Variants in SYT16 observed in about 807,000 individuals in gnomAD.
SYT16 encodes the protein synaptotagmin-16.
SYT16 carries 42 observed loss-of-function variants against 61.4 expected under a neutral mutation model. The observed-to-expected ratio is 0.68, with a 90% confidence interval of 0.53 to 0.89. The LOEUF (loss-of-function observed/expected upper bound fraction) is 0.89. Ranked by LOEUF, SYT16 falls within the 40% of genes least tolerant of loss-of-function variation. The pLI, the probability that SYT16 is intolerant of heterozygous loss-of-function variation, is 0.00. For missense variants in SYT16, 804 were observed against 807.3 expected (o/e 1.00, Z 0.05); for synonymous variants, 314 against 302.3 (o/e 1.04, Z -0.40).
intron 1 of SYT16, among the ~76,000 whole-genome samples, chr14:61,889,795 ACT>A (rs2048053794): frequency 2.0e-5 from 3 of 151,704 alleles, no homozygotes; most frequent in African/African-American, 4.9e-5. Flanking sequence ...GAGCTAAATA[ACT>A]CTCTTTTCTT....
At chr14:62,046,770 G>T (rs1346424969) in intron 3 of SYT16, among the ~76,000 whole-genome samples, 1 of 152,086 alleles carries the variant, frequency 6.6e-6, no homozygotes, top group Non-Finnish European at 1.5e-5. Context: ...TTGTAGATAT[G>T]TGGCATTATG....
chr14:62,046,969 A>C (rs929715409), intron 3 of SYT16, among the ~76,000 whole-genome samples: 1 of 152,166 alleles, frequency 6.6e-6, no homozygotes, highest in African/African-American at 2.4e-5. Context: ...ACTTTCAAAT[A>C]GTTTTTTCCA....
Position 62,101,506 on chromosome 14 carries a change from A to G in SYT16, c.*799A>G, listed in dbSNP as rs2057418398. 6.6e-6 allele frequency: 1 copy of G among 152,052 alleles called. No homozygotes were observed. Among genetic ancestry groups the G allele is most frequent in the South Asian group, 2.1e-4 (1 of 4,832 alleles). The allele number at this position is 152,052 out of a possible 1,614,324, so 9.4% of individuals were successfully genotyped here. On this transcript the variant is annotated 3_prime_UTR_variant, in exon 8 of 8. Transcript: ENST00000683842. ...AGAAAACAAAAAACAAGACTACTGC[A>G]GTCATAGATTTATTGATTTTTTCTG...
intron 3 of SYT16, among the ~76,000 whole-genome samples, chr14:62,013,913 G>A (rs534868399): frequency 2.0e-5 from 3 of 151,630 alleles, no homozygotes; most frequent in African/African-American, 7.3e-5. Context: ...GCCGTGAGCC[G>A]AGATTGTGCC....
At chr14:62,070,407 C>T (rs1158622698) in intron 4 of SYT16, among the ~76,000 whole-genome samples, 1 of 152,172 alleles carries the variant, frequency 6.6e-6, no homozygotes, top group Non-Finnish European at 1.5e-5. Context: ...ACACACCCCA[C>T]CTGCATGAAA....
intron 3 of SYT16, among the ~76,000 whole-genome samples, chr14:62,010,716 G>C (rs1241129474): frequency 1.3e-5 from 2 of 152,052 alleles, no homozygotes; most frequent in African/African-American, 2.4e-5. Flanking sequence ...TTCAAAAATT[G>C]TTTGTCTTTT....
chr14:61,903,244 G>A (rs1258454733), intron 1 of SYT16, among the ~76,000 whole-genome samples: 1 of 152,026 alleles, frequency 6.6e-6, no homozygotes, highest in Non-Finnish European at 1.5e-5. Flanking sequence ...AGTTAATGGG[G>A]GATTAAGTCT....
chr14:61,816,451 T>G (rs1429701543), intron 1 of SYT16, among the ~76,000 whole-genome samples: 1 of 152,220 alleles, frequency 6.6e-6, no homozygotes, highest in African/African-American at 2.4e-5. Flanking sequence ...AATCTTGAGT[T>G]AAATGATTTC....
At chr14:62,052,851 C>T (rs1048616980) in intron 3 of SYT16, among the ~76,000 whole-genome samples, 5 of 152,138 alleles carry the variant, frequency 3.3e-5, no homozygotes, top group Non-Finnish European at 7.4e-5. Flanking sequence ...GCTGGCATCC[C>T]GATTTCAGAT....
chr14:61,977,537 A>G (rs1232286684), intron 2 of SYT16, among the ~76,000 whole-genome samples: 1 of 152,092 alleles, frequency 6.6e-6, no homozygotes, highest in Non-Finnish European at 1.5e-5. Flanking sequence ...AGATCTCATG[A>G]TACTCACTCA....
At chr14:62,044,908 G>A (rs189354123) in intron 3 of SYT16, among the ~76,000 whole-genome samples, 6 of 152,298 alleles carry the variant, frequency 3.9e-5, no homozygotes, top group Admixed American at 3.9e-4. Flanking sequence ...GGGAGGCAGA[G>A]GTGGGTGGAT....
intron 1 of SYT16, among the ~76,000 whole-genome samples, chr14:61,820,100 A>G (rs1346417755): frequency 6.6e-6 from 1 of 152,240 alleles, no homozygotes; most frequent in Non-Finnish European, 1.5e-5. Context: ...CTGTGTACAA[A>G]TGTAAGACTA....
intron 7 of SYT16, among the ~76,000 whole-genome samples, chr14:62,094,303 C>T (rs1038268673): frequency 6.6e-5 from 10 of 152,122 alleles, no homozygotes; most frequent in African/African-American, 2.2e-4. Context: ...CTCTTCCAGC[C>T]AGGGCTGAAT....
intron 1 of SYT16, among the ~76,000 whole-genome samples, chr14:61,964,705 C>A (rs139784089): frequency 4.8e-4 from 73 of 152,252 alleles, no homozygotes; most frequent in African/African-American, 1.7e-3. Context: ...CAAACAGCAT[C>A]ATATGCTACA....
At chr14:62,006,106 T>G (rs2053212906) in intron 3 of SYT16, among the ~76,000 whole-genome samples, 1 of 152,154 alleles carries the variant, frequency 6.6e-6, no homozygotes, top group African/African-American at 2.4e-5. Context: ...TTCAAAATAT[T>G]TAAATACCCT....
intron 3 of SYT16, among the ~76,000 whole-genome samples, chr14:62,031,302 C>A (rs917768715): frequency 6.6e-6 from 1 of 152,112 alleles, no homozygotes; most frequent in Non-Finnish European, 1.5e-5. Context: ...TGAGCTAAAC[C>A]GCATTAATTT....
chr14:62,095,478 A>T (rs1259708794), intron 7 of SYT16, among the ~76,000 whole-genome samples: 1 of 151,976 alleles, frequency 6.6e-6, no homozygotes, highest in Non-Finnish European at 1.5e-5. Context: ...TGGAGCTTTA[A>T]AATGTTACTA....
At chr14:61,873,818 TGTG>T (rs1377137419) in intron 1 of SYT16, among the ~76,000 whole-genome samples, 2 of 152,224 alleles carry the variant, frequency 1.3e-5, no homozygotes, top group Non-Finnish European at 2.9e-5. Flanking sequence ...TCCTCTACCC[TGTG>T]GTCTTTTAGG....
intron 1 of SYT16, among the ~76,000 whole-genome samples, chr14:61,871,610 G>C (rs942163639): frequency 6.6e-6 from 1 of 152,036 alleles, no homozygotes; most frequent in Non-Finnish European, 1.5e-5. Context: ...CTGCTTTCCT[G>C]CATCTTTAAA....
Sources: gnomAD v4.1 joint callset for allele counts (sites outside exome capture counted in the v4.1 genomes callset) on GRCh38, gnomAD v4.1.1 for gene constraint, MANE v1.5 for transcripts, NCBI Gene and HGNC (gene_info 2026-07-23, HGNC 2026-07-21) for gene names.